USP45: variants seen among roughly 807,000 people sequenced by gnomAD.
The protein encoded by USP45 is ubiquitin specific peptidase 45.
A neutral mutation model predicts 95.8 loss-of-function variants in USP45; 89 were observed. That is an observed-to-expected ratio of 0.93 (90% CI 0.78 to 1.11). The LOEUF (loss-of-function observed/expected upper bound fraction) is 1.11. Among genes scored for constraint, USP45 ranks in the 50% least tolerant of loss-of-function variants. The pLI, the probability that USP45 is intolerant of heterozygous loss-of-function variation, is 0.00. For missense variants in USP45, 898 were observed against 942.5 expected (o/e 0.95, Z 0.62); for synonymous variants, 281 against 316.2 (o/e 0.89, Z 1.18).
At chr6:99,440,906 G>A (rs558558486) in intron 15 of USP45, among the ~76,000 whole-genome samples, 1 of 152,120 alleles carries the variant, frequency 6.6e-6, no homozygotes, top group Non-Finnish European at 1.5e-5. Context: ...TCCTCAATCA[G>A]TACTTTGCTG....
chr6:99,437,696 T>C (rs13209692), intron 16 of USP45, among the ~76,000 whole-genome samples: 19,840 of 152,026 alleles, frequency 0.13, 1,851 homozygotes, highest in Non-Finnish European at 0.18. Context: ...CTCGCTCTGT[T>C]ACCCAGGCTG....
intron 13 of USP45, among the ~76,000 whole-genome samples, chr6:99,448,131 C>T (rs976401772): frequency 3.9e-5 from 6 of 152,198 alleles, no homozygotes; most frequent in African/African-American, 4.8e-5. Context: ...AAAATCAGAG[C>T]GCCTCTCCCC....
At chr6:99,491,053 G>A (rs4840053) in intron 5 of USP45, among the ~76,000 whole-genome samples, 129,683 of 152,144 alleles carry the variant, frequency 0.85, 56,002 homozygotes, top group East Asian at 1. Flanking sequence ...ATATTAAGGA[G>A]CTATTTTTAA....
At chr6:99,435,883 T>C in intron 17 of USP45, 37 bp from the exon 18 acceptor site, 1 of 1,588,624 alleles carries the variant, frequency 6.3e-7, no homozygotes, top group Non-Finnish European at 8.6e-7. Flanking sequence ...TTAAAGTAAG[T>C]ATGCTTTAGG....
chr6:99,479,637 A>T (rs1309884653), intron 8 of USP45, among the ~76,000 whole-genome samples: 1 of 151,690 alleles, frequency 6.6e-6, no homozygotes, highest in Non-Finnish European at 1.5e-5. Context: ...TGGATACAGA[A>T]AAAGCATTTT....
rs1780325244 is a variant in USP45, at chr6:99,435,635, A to T, written c.*81T>A. The T allele has an allele frequency of 8.1e-7, 1 of 1,241,208 alleles. No individual in the cohort carries two copies. Among genetic ancestry groups the T allele is most frequent in the Non-Finnish European group, 1.1e-6 (1 of 912,686 alleles). The allele number at this position is 1,241,208 out of a possible 1,614,324, so 76.9% of individuals were successfully genotyped here. ...ATGCTATTCCTACAGAAGAGGGAAG[A>T]CTAGAAAGGCACATTATATATTATA... On this transcript the variant is annotated 3_prime_UTR_variant, in exon 18 of 18. Transcript: ENST00000500704.
intron 5 of USP45, chr6:99,502,006 G>A (rs556846411): frequency 8.5e-6 from 11 of 1,299,552 alleles, no homozygotes; most frequent in Non-Finnish European, 1.1e-5. Context: ...GATGGGGCCT[G>A]GCCCTGCCAG....
intron 13 of USP45, chr6:99,462,949 G>A (rs1407918955): frequency 6.6e-6 from 1 of 152,210 alleles, no homozygotes; most frequent in Non-Finnish European, 1.5e-5. Flanking sequence ...CTGCACTCCA[G>A]CCTGGCTGGG....
chr6:99,489,420 T>G (rs1794691350), intron 5 of USP45, among the ~76,000 whole-genome samples: 2 of 152,294 alleles, frequency 1.3e-5, no homozygotes, highest in Admixed American at 1.3e-4. Flanking sequence ...GAGACTTCCT[T>G]ATAAGAGAAT....
intron 16 of USP45, among the ~76,000 whole-genome samples, chr6:99,437,665 CTCTT>C (rs956630513): frequency 1.3e-5 from 2 of 151,784 alleles, no homozygotes; most frequent in Non-Finnish European, 2.9e-5. Flanking sequence ...TTTTCTCTCT[CTCTT>C]TTTCTTGAGA....
intron 9 of USP45, among the ~76,000 whole-genome samples, chr6:99,472,414 C>T (rs1789654519): frequency 6.6e-6 from 1 of 152,010 alleles, no homozygotes; most frequent in East Asian, 1.9e-4. Context: ...CGGGGTTTCA[C>T]CATGTTGGCC....
intron 16 of USP45, among the ~76,000 whole-genome samples, chr6:99,438,322 T>C (rs1392698644): frequency 2.6e-5 from 4 of 152,128 alleles, no homozygotes; most frequent in Admixed American, 2.0e-4. Context: ...GATGAAAATA[T>C]ACATGCCTGT....
intron 1 of USP45, among the ~76,000 whole-genome samples, chr6:99,510,885 C>A (rs1799631405): frequency 6.6e-6 from 1 of 152,162 alleles, no homozygotes; most frequent in South Asian, 2.1e-4. Flanking sequence ...ATAATGAGTT[C>A]TCTTTACCCT....
chr6:99,453,196 C>T (rs1784300588), intron 13 of USP45, among the ~76,000 whole-genome samples: 2 of 142,934 alleles, frequency 1.4e-5, no homozygotes, highest in South Asian at 2.2e-4. Flanking sequence ...ACATAAAAGG[C>T]ATCCAAATTG....
intron 5 of USP45, among the ~76,000 whole-genome samples, chr6:99,491,283 A>C (rs1204467363): frequency 6.6e-6 from 1 of 152,202 alleles, no homozygotes; most frequent in African/African-American, 2.4e-5. Context: ...TATAAAAGCA[A>C]ATGAAAAAAG....
intron 9 of USP45, among the ~76,000 whole-genome samples, chr6:99,471,981 A>G (rs1789509228): frequency 6.6e-6 from 1 of 152,222 alleles, no homozygotes; most frequent in Admixed American, 6.5e-5. Context: ...CAAATAGTGC[A>G]AGAAAGATAA....
At chr6:99,470,932 C>A (rs1400613856) in intron 9 of USP45, among the ~76,000 whole-genome samples, 1 of 152,094 alleles carries the variant, frequency 6.6e-6, no homozygotes, top group Non-Finnish European at 1.5e-5. Context: ...AAACATTTTA[C>A]TAATTCAGAC....
At chr6:99,476,083 T>A in intron 9 of USP45, 60 bp downstream of exon 9, 3 of 1,509,220 alleles carry the variant, frequency 2.0e-6, no homozygotes, top group Non-Finnish European at 2.7e-6. Context: ...CCCCCAATAA[T>A]CCCTTAGTTT....
chr6:99,514,973 AG>A (rs1339125307), intron 1 of USP45: 1 of 152,338 alleles, frequency 6.6e-6, no homozygotes, highest in Non-Finnish European at 1.5e-5. Context: ...GGACCCAAGC[AG>A]TCCGGCCCCG....
Sources: allele counts gnomAD v4.1 joint callset (sites outside exome capture counted in the v4.1 genomes callset), GRCh38; gene constraint gnomAD v4.1.1; transcripts MANE v1.5; gene names NCBI Gene and HGNC (gene_info 2026-07-23, HGNC 2026-07-21).